KRT72: variants seen among roughly 807,000 people sequenced by gnomAD.
KRT72 encodes the protein keratin, type II cytoskeletal 72.
Under a neutral mutation model 44.7 loss-of-function variants are expected in KRT72, and 44 were observed. That is an observed-to-expected ratio of 0.98 (90% CI 0.77 to 1.27). KRT72 has a LOEUF of 1.27. Among genes scored for constraint, KRT72 ranks in the 50% most tolerant of loss-of-function variants. The pLI is 0.00. For synonymous variants in KRT72, 302 were observed against 280.4 expected (o/e 1.08, Z -0.77); for missense variants, 736 against 667.1 (o/e 1.10, Z -1.14).
intron 6 of KRT72, among the ~76,000 whole-genome samples, chr12:52,588,703 A>G (rs1592222877): frequency 1.3e-5 from 2 of 152,158 alleles, no homozygotes; most frequent in South Asian, 2.1e-4. Flanking sequence ...AAATAAATAA[A>G]TAAATAAAAT....
intron 2 of KRT72, among the ~76,000 whole-genome samples, chr12:52,595,711 T>C (rs559827075): frequency 1.3e-5 from 2 of 152,322 alleles, no homozygotes; most frequent in African/African-American, 4.8e-5. Flanking sequence ...TTGGCATAGG[T>C]GTATTGAGTA....
intron 2 of KRT72, among the ~76,000 whole-genome samples, chr12:52,593,945 T>C (rs763902773): frequency 5.9e-5 from 9 of 152,212 alleles, no homozygotes; most frequent in Non-Finnish European, 8.8e-5. Context: ...AAGCGTGTTC[T>C]GGAGGTGGAC....
Position 52,585,945 on chromosome 12 carries a change from G to A in KRT72, c.*37C>T, listed in dbSNP as rs1321360350. On this transcript the variant is annotated 3_prime_UTR_variant, in exon 9 of 9. Coordinates refer to ENST00000293745, the MANE Select transcript of KRT72 (RefSeq NM_080747.3). ...AGGAGAGGGAGGAGACGGGTGAGTT[G>A]GGAAGCCTTCTGCTCACAGAGCCAA... 2 of 1,576,730 alleles carry A rather than the reference G, an allele frequency of 1.3e-6. No homozygotes were observed. Among genetic ancestry groups the A allele is most frequent in the South Asian group, 1.1e-5 (1 of 87,664 alleles).
At chr12:52,586,892 C>G (rs1379652905) in intron 8 of KRT72, 54 bp downstream of exon 8, 5 of 1,531,016 alleles carry the variant, frequency 3.3e-6, no homozygotes, top group Non-Finnish European at 4.5e-6. Context: ...ATTAAAGGGA[C>G]TCGGACTTCT....
At position 52,600,956 on chromosome 12, in the gene KRT72, G is replaced by A. The variant is rs1452046763; in HGVS notation, c.426+71C>T. On this transcript the variant is annotated intron_variant, in intron 1 of 8. Transcript: ENST00000293745. ...ACCCGCCCACGCTCCCACACAGCTC[G>A]CCAGTGGCAGAGCCAGCACCACTGT... 1.0e-5 allele frequency: 16 copies of A among 1,530,380 alleles called. No individual in the cohort carries two copies. The Admixed American group carries it at 2.8e-4, about 27-fold the overall frequency. The allele number at this position is 1,530,380 out of a possible 1,614,324, so 94.8% of individuals were successfully genotyped here. A position where few individuals can be genotyped will look rare whatever the true frequency, so the allele number is the denominator to read the frequency against.
chr12:52,597,569 C>T (rs1471376952), intron 2 of KRT72, among the ~76,000 whole-genome samples: 1 of 152,194 alleles, frequency 6.6e-6, no homozygotes, highest in East Asian at 1.9e-4. Context: ...ATCCCCACGA[C>T]AGCCCTATGA....
At chr12:52,592,578 T>C in intron 3 of KRT72, 87 bp from the exon 4 acceptor site, 1 of 987,474 alleles carries the variant, frequency 1.0e-6, no homozygotes, top group Non-Finnish European at 1.6e-6. Flanking sequence ...TGCTCTTTCC[T>C]CTCCCTTCAC....
intron 3 of KRT72, 39 bp from the exon 4 acceptor site, chr12:52,592,530 T>C: frequency 6.8e-7 from 1 of 1,473,880 alleles, no homozygotes; most frequent in African/African-American, 1.4e-5. Context: ...TGAGAGGGCC[T>C]CCCCTGCCCA....
intron 6 of KRT72, among the ~76,000 whole-genome samples, 196 bp downstream of exon 6, chr12:52,590,640 C>T (rs567872799): frequency 6.6e-6 from 1 of 152,230 alleles, no homozygotes; most frequent in Non-Finnish European, 1.5e-5. Flanking sequence ...TCACCTCTCA[C>T]CCCTCTGGGC....
Position 52,591,480 on chromosome 12 carries a change from G to T in KRT72, c.947C>A (p.Thr316Asn), listed in dbSNP as rs150482370. The change falls in exon 5 of 9, where the codon ACC (threonine) becomes AAC (asparagine). Residue 316 changes from threonine to asparagine, a missense_variant. Coordinates refer to ENST00000293745, the MANE Select transcript of KRT72 (RefSeq NM_080747.3). ...IALKSKAEAE[T>N]LYQTKIQELQ... ...CCAGCTCACCTTGGTCTGGTACAGG[G>T]TCTCAGCCTCGGCCTTGCTCTTTAG... 4.3e-6 allele frequency: 7 copies of T among 1,613,834 alleles called. No individual in the cohort carries two copies. In the African/African-American group the frequency reaches 8.0e-5, roughly 18 times the overall value.
chr12:52,594,083 G>T (rs1280208185), intron 2 of KRT72, among the ~76,000 whole-genome samples: 1 of 152,146 alleles, frequency 6.6e-6, no homozygotes, highest in Non-Finnish European at 1.5e-5. Flanking sequence ...AAAGAATTAA[G>T]GCTAGATAGT....
At chr12:52,592,783 T>C in intron 3 of KRT72, 109 bp downstream of exon 3, 1 of 909,086 alleles carries the variant, frequency 1.1e-6, no homozygotes. Context: ...CAGTCACCCC[T>C]GCCCAAGGGA....
rs769670135 is a variant in KRT72, at chr12:52,591,515, C to T, written c.912G>A (p.Glu304=). 9 of 1,614,116 alleles carry T rather than the reference C, an allele frequency of 5.6e-6. 1 individual carries two copies. In the South Asian group the frequency reaches 8.8e-5, roughly 16 times the overall value. Reference sequence around the variant, plus strand: ...CGGCCTTGCTCTTTAGGGCAATCTCCTCGTACTGGGCACGGACCTCGGCAA... The same window carrying T: ...CGGCCTTGCTCTTTAGGGCAATCTCTTCGTACTGGGCACGGACCTCGGCAA... ...SIIAEVRAQY[E]EIALKSKAEA... Residue 304 remains glutamate (E), a synonymous_variant, in exon 5 of 9, where the codon GAG becomes GAA. Coordinates refer to ENST00000293745, the MANE Select transcript of KRT72 (RefSeq NM_080747.3).
chr12:52,585,746 G>C lies in KRT72; in HGVS notation c.*236C>G. 1 of 500,258 alleles carries C rather than the reference G, an allele frequency of 2.0e-6. No homozygotes were observed. Among genetic ancestry groups the C allele is most frequent in the Non-Finnish European group, 3.6e-6 (1 of 280,112 alleles). The allele number at this position is 500,258 out of a possible 1,614,324, so 31.0% of individuals were successfully genotyped here. A position where few individuals can be genotyped will look rare whatever the true frequency, so the allele number is the denominator to read the frequency against. On this transcript the variant is annotated 3_prime_UTR_variant, in exon 9 of 9. Transcript: ENST00000293745. ...AACATCCTGGGTAAGTGTTGTCTTT[G>C]CATTTCAGGCAATGACCCAACGAAA...
intron 2 of KRT72, among the ~76,000 whole-genome samples, chr12:52,598,215 T>C (rs1290268841): frequency 6.6e-6 from 1 of 152,230 alleles, no homozygotes; most frequent in African/African-American, 2.4e-5. Flanking sequence ...GGGTTCTGCT[T>C]TGAAGGAATT....
intron 6 of KRT72, among the ~76,000 whole-genome samples, chr12:52,590,615 C>T (rs1242706127): frequency 1.2e-4 from 18 of 152,292 alleles, no homozygotes; most frequent in Non-Finnish European, 5.9e-5. Flanking sequence ...TGCAAAGCTT[C>T]CCTGGGGTCC....
At chr12:52,590,279 G>A (rs190877890) in intron 6 of KRT72, among the ~76,000 whole-genome samples, 126 of 152,324 alleles carry the variant, frequency 8.3e-4, no homozygotes, top group African/African-American at 2.9e-3. Context: ...GCAGGGCCCT[G>A]AGCCCGATCT....
intron 6 of KRT72, among the ~76,000 whole-genome samples, chr12:52,589,067 G>C (rs1033198366): frequency 6.6e-6 from 1 of 152,010 alleles, no homozygotes; most frequent in South Asian, 2.1e-4. Context: ...TGCAGCTGGG[G>C]CTGTGTGCTT....
At chr12:52,589,930 TAA>T (rs1429938790) in intron 6 of KRT72, among the ~76,000 whole-genome samples, 1 of 152,144 alleles carries the variant, frequency 6.6e-6, no homozygotes, top group Non-Finnish European at 1.5e-5. Context: ...AAAAACAACT[TAA>T]GTTATTTAAT....
Sources: gnomAD v4.1 joint callset for allele counts (sites outside exome capture counted in the v4.1 genomes callset) on GRCh38, gnomAD v4.1.1 for gene constraint, MANE v1.5 for transcripts, NCBI Gene and HGNC (gene_info 2026-07-23, HGNC 2026-07-21) for gene names.